Variants in PIKFYVE observed in about 807,000 individuals in gnomAD.
The protein encoded by PIKFYVE is 1-phosphatidylinositol 3-phosphate 5-kinase.
Under a neutral mutation model 257.9 loss-of-function variants are expected in PIKFYVE, and 122 were observed. The ratio of observed to expected loss-of-function variants is 0.47; its 90% CI spans 0.41 to 0.55. PIKFYVE has a LOEUF of 0.55. Among genes scored for constraint, PIKFYVE ranks in the 20% least tolerant of loss-of-function variants. The probability of loss-of-function intolerance (pLI) is 0.00; values close to 1 mark genes in which losing one functional copy is unlikely to be tolerated. For synonymous variants in PIKFYVE, 892 were observed against 868.9 expected, an observed-to-expected ratio of 1.03 and a Z score of -0.47; for missense variants, 2,160 against 2,536.6, an observed-to-expected ratio of 0.85 and a Z score of 3.19.
At chr2:208,333,229 AT>A (rs1201494834) in intron 23 of PIKFYVE, 85 bp from the exon 24 acceptor site, 1 of 1,383,652 alleles carries the variant, frequency 7.2e-7, no homozygotes, top group Non-Finnish European at 9.9e-7. Flanking sequence ...GCGAGACTCC[AT>A]CTCAAAAAAA....
rs529403938 is a variant in PIKFYVE, at chr2:208,294,118, A to G, written c.912-4523A>G. ...ATATTGTTTGTTCAGTCTTTTTTCT[A>G]TTTGCTTTTCAGTTTTGGCAGTTTC... On this transcript the variant is annotated intron_variant, in intron 7 of 41. Coordinates refer to ENST00000264380, the MANE Select transcript of PIKFYVE (RefSeq NM_015040.4). Among the ~76,000 whole-genome samples the G allele has an allele frequency of 1.2e-4, 18 of 151,676 alleles. No individual in the cohort carries two copies. The South Asian group carries it at 2.9e-3, about 25-fold the overall frequency.
At chr2:208,315,908 G>A (rs1559110577) in intron 15 of PIKFYVE, among the ~76,000 whole-genome samples, 1 of 149,874 alleles carries the variant, frequency 6.7e-6, no homozygotes, top group Non-Finnish European at 1.5e-5. Flanking sequence ...AAGTTTTAGG[G>A]TACATGTGCA....
chr2:208,348,263 C>G (rs1024041214), intron 35 of PIKFYVE, among the ~76,000 whole-genome samples: 2 of 152,070 alleles, frequency 1.3e-5, no homozygotes, highest in African/African-American at 4.8e-5. Flanking sequence ...GTTTCCATAA[C>G]GTGTAAAGTG....
intron 13 of PIKFYVE, among the ~76,000 whole-genome samples, chr2:208,313,555 C>G (rs1294088032): frequency 1.4e-5 from 2 of 147,590 alleles, no homozygotes; most frequent in Non-Finnish European, 3.0e-5. Flanking sequence ...ATTCAGATTT[C>G]TGTTGAATGC....
chr2:208,330,700 T>G lies in PIKFYVE; in HGVS notation c.3963+6T>G. Reference sequence around the variant, plus strand: ...GGTGTAGAATCTGCAAACAGGTAAATAGACCCTATTACTATATTTTGTTTG... The same window carrying G: ...GGTGTAGAATCTGCAAACAGGTAAAGAGACCCTATTACTATATTTTGTTTG... On this transcript the variant is annotated splice_donor_region_variant and intron_variant, in intron 23 of 41. Transcript: ENST00000264380. 6.2e-7 allele frequency: 1 copy of G among 1,611,510 alleles called. No homozygotes were observed. The highest frequency in any genetic ancestry group is 8.5e-7 in the Non-Finnish European group (1 of 1,177,948).
Position 208,347,887 on chromosome 2 carries a change from C to A in PIKFYVE, c.5238C>A (p.Phe1746Leu), listed in dbSNP as rs745424563. ...PTKKASGMLSFFRGTAGKSPD... is the reference protein window; with the variant it reads ...PTKKASGMLSLFRGTAGKSPD... ...AAAAGGCTTCTGGAATGTTGTCCTT[C>A]TTCAGAGGGACAGCAGGGAAAAGCC... Residue 1746 changes from phenylalanine to leucine, a missense_variant, in exon 35 of 42, where the codon TTC (phenylalanine) becomes TTA (leucine). Transcript: ENST00000264380. The A allele has an allele frequency of 9.3e-6, 15 of 1,613,674 alleles. No homozygotes were observed. Among genetic ancestry groups the A allele is most frequent in the Non-Finnish European group, 1.2e-5 (14 of 1,179,804 alleles).
At chr2:208,316,454 T>C (rs1358783609) in intron 15 of PIKFYVE, among the ~76,000 whole-genome samples, 1 of 151,946 alleles carries the variant, frequency 6.6e-6, no homozygotes, top group Non-Finnish European at 1.5e-5. Flanking sequence ...ATCACCACAC[T>C]GACTTCCACA....
intron 12 of PIKFYVE, among the ~76,000 whole-genome samples, chr2:208,309,974 CTT>C (rs1013822206): frequency 2.6e-5 from 4 of 152,174 alleles, no homozygotes; most frequent in African/African-American, 9.6e-5. Flanking sequence ...AAATTGACCT[CTT>C]AGGTCATTTG....
intron 7 of PIKFYVE, among the ~76,000 whole-genome samples, chr2:208,289,109 A>G (rs991009958): frequency 2.0e-5 from 3 of 152,184 alleles, no homozygotes; most frequent in Admixed American, 2.0e-4. Flanking sequence ...CATTTTGTGG[A>G]GGAGTGTCCC....
chr2:208,268,106 G>T (rs964942366), intron 1 of PIKFYVE, among the ~76,000 whole-genome samples: 4 of 152,156 alleles, frequency 2.6e-5, no homozygotes, highest in African/African-American at 4.8e-5. Context: ...TTAAAGCGTT[G>T]TTAAGCTGCT....
chr2:208,332,284 A>G (rs992398112), intron 23 of PIKFYVE, among the ~76,000 whole-genome samples: 1 of 152,332 alleles, frequency 6.6e-6, no homozygotes, highest in East Asian at 1.9e-4. Flanking sequence ...AGGAGGTTAC[A>G]TTTCAAAAAT....
chr2:208,292,649 T>C (rs1692463848), intron 7 of PIKFYVE, among the ~76,000 whole-genome samples: 1 of 152,168 alleles, frequency 6.6e-6, no homozygotes, highest in African/African-American at 2.4e-5. Context: ...TTTATCTTTC[T>C]CCATCTATTT....
intron 13 of PIKFYVE, among the ~76,000 whole-genome samples, chr2:208,313,075 G>T (rs1194328261): frequency 1.3e-5 from 2 of 152,110 alleles, no homozygotes; most frequent in African/African-American, 2.4e-5. Context: ...CACATGTCAT[G>T]GACATATACT....
At chr2:208,269,752 A>G (rs1168143584) in intron 1 of PIKFYVE, 3 of 249,856 alleles carry the variant, frequency 1.2e-5, no homozygotes, top group Non-Finnish European at 2.6e-5. Flanking sequence ...GGCCACCTTG[A>G]ACTCCTCCAG....
chr2:208,324,340 T>A, intron 18 of PIKFYVE, 58 bp downstream of exon 18: 1 of 1,548,004 alleles, frequency 6.5e-7, no homozygotes, highest in Non-Finnish European at 8.9e-7. Flanking sequence ...TAAATTTATA[T>A]GCACGTATGG....
intron 17 of PIKFYVE, among the ~76,000 whole-genome samples, chr2:208,323,596 C>T (rs1192806759): frequency 1.3e-5 from 2 of 152,230 alleles, no homozygotes; most frequent in East Asian, 1.9e-4. Context: ...TTTATAGCAG[C>T]ATGATTTATA....
At chr2:208,329,803 G>A in intron 21 of PIKFYVE, 39 bp from the exon 22 acceptor site, 2 of 1,605,958 alleles carry the variant, frequency 1.2e-6, no homozygotes, top group Non-Finnish European at 1.7e-6. Context: ...TCTGGGGCAT[G>A]GTAATTCTTA....
intron 23 of PIKFYVE, among the ~76,000 whole-genome samples, chr2:208,331,556 T>G (rs1469319818): frequency 6.6e-6 from 1 of 152,178 alleles, no homozygotes; most frequent in Admixed American, 6.5e-5. Context: ...TTTGTATTTT[T>G]AATAGAGACA....
At chr2:208,337,872 C>T (rs773517282) in intron 28 of PIKFYVE, among the ~76,000 whole-genome samples, 5 of 152,100 alleles carry the variant, frequency 3.3e-5, no homozygotes, top group Non-Finnish European at 7.4e-5. Context: ...CAGGCGTGTG[C>T]CACCACACCC....
Sources: allele counts gnomAD v4.1 joint callset (sites outside exome capture counted in the v4.1 genomes callset), GRCh38; gene constraint gnomAD v4.1.1; transcripts MANE v1.5; gene names NCBI Gene and HGNC (gene_info 2026-07-23, HGNC 2026-07-21).